Variants in GASK1A observed in about 807,000 individuals in gnomAD.
The protein encoded by GASK1A is golgi associated kinase 1A.
A neutral mutation model predicts 41.2 loss-of-function variants in GASK1A; 40 were observed. The ratio of observed to expected loss-of-function variants is 0.97; its 90% CI spans 0.75 to 1.27. The LOEUF is 1.27. GASK1A is among the 50% of genes most tolerant of loss of function. GASK1A has a pLI of 0.00. For synonymous variants in GASK1A, 316 were observed against 307.1 expected (o/e 1.03, Z -0.30); for missense variants, 678 against 745.1 (o/e 0.91, Z 1.05).
intron 1 of GASK1A, among the ~76,000 whole-genome samples, chr3:43,001,186 G>A (rs559064186): frequency 3.9e-5 from 6 of 152,084 alleles, no homozygotes; most frequent in South Asian, 2.1e-4. Flanking sequence ...TGAGCAGGGC[G>A]CAGACATTGT....
rs1371368975 is a variant in GASK1A at position 43,056,157 on chromosome 3, T to C, written c.1518-19T>C. 2.0e-5 allele frequency: 31 copies of C among 1,538,166 alleles called. No homozygotes were observed. Among genetic ancestry groups the C allele is most frequent in the Non-Finnish European group, 2.5e-5 (28 of 1,135,972 alleles). Reference sequence around the variant, plus strand: ...TTGCTTTTTCTTTCTGTTACGGGGCTCTGGGGCCTTTGCTCCAGGTTTCCT... The same window carrying C: ...TTGCTTTTTCTTTCTGTTACGGGGCCCTGGGGCCTTTGCTCCAGGTTTCCT... On this transcript the variant is annotated intron_variant, in intron 4 of 4. Transcript: ENST00000430121.
chr3:43,000,480 A>C (rs891046194), intron 1 of GASK1A, among the ~76,000 whole-genome samples: 1 of 152,232 alleles, frequency 6.6e-6, no homozygotes, highest in African/African-American at 2.4e-5. Context: ...CTTGATGCTA[A>C]AGAGAGAGAT....
chr3:43,039,802 C>T (rs1466458703), intron 2 of GASK1A, among the ~76,000 whole-genome samples: 1 of 152,062 alleles, frequency 6.6e-6, no homozygotes, highest in African/African-American at 2.4e-5. Flanking sequence ...GTTTTCTGTT[C>T]CTGAGTTAGT....
At chr3:43,037,932 A>G (rs2089613413) in intron 2 of GASK1A, among the ~76,000 whole-genome samples, 1 of 152,214 alleles carries the variant, frequency 6.6e-6, no homozygotes, top group South Asian at 2.1e-4. Flanking sequence ...ATAAGGAACA[A>G]CCACAGTTTT....
chr3:43,005,607 G>A (rs182685829), intron 1 of GASK1A, among the ~76,000 whole-genome samples: 1 of 152,270 alleles, frequency 6.6e-6, no homozygotes, highest in Non-Finnish European at 1.5e-5. Flanking sequence ...AAGTGCAAGA[G>A]TAGTGATCCT....
intron 1 of GASK1A, among the ~76,000 whole-genome samples, chr3:42,997,442 G>C (rs1365431994): frequency 6.6e-6 from 1 of 151,998 alleles, no homozygotes; most frequent in Non-Finnish European, 1.5e-5. Context: ...GAGAGAGGGG[G>C]GGGGGATCTG....
chr3:42,992,735 GC>G (rs1421439642), intron 1 of GASK1A, among the ~76,000 whole-genome samples: 1 of 152,192 alleles, frequency 6.6e-6, no homozygotes, highest in Non-Finnish European at 1.5e-5. Flanking sequence ...TGGGGTCCAA[GC>G]ATGTGATAAA....
At chr3:43,048,998 C>T (rs939403411) in intron 2 of GASK1A, among the ~76,000 whole-genome samples, 1 of 152,064 alleles carries the variant, frequency 6.6e-6, no homozygotes, top group Non-Finnish European at 1.5e-5. Flanking sequence ...TTAAGGGCTT[C>T]AAGGAATGGA....
chr3:43,049,753 C>T (rs576434936), intron 2 of GASK1A, among the ~76,000 whole-genome samples: 1 of 152,290 alleles, frequency 6.6e-6, no homozygotes, highest in East Asian at 1.9e-4. Flanking sequence ...AATGCTGTCT[C>T]ATTTCTTAAC....
At chr3:43,014,947 T>G (rs2089482443) in intron 1 of GASK1A, among the ~76,000 whole-genome samples, 1 of 149,852 alleles carries the variant, frequency 6.7e-6, no homozygotes. Context: ...GGAAGGGGCT[T>G]GTGTGGTCAC....
rs1289994852 is a variant in GASK1A, at chr3:42,985,213, C to T, written c.3+5568C>T. 2.6e-5 allele frequency among the ~76,000 whole-genome samples: 4 copies of T among 152,120 alleles called. No homozygotes were observed. In the South Asian group the frequency reaches 6.2e-4, roughly 24 times the overall value. ...TTTGTCTTAGAAAAATGGGGGTACT[C>T]GGTTATAGGGGCCTCACTCTGATTT... On this transcript the variant is annotated intron_variant, in intron 1 of 4. Transcript: ENST00000430121.
chr3:43,000,265 C>G (rs1416448017), intron 1 of GASK1A, among the ~76,000 whole-genome samples: 1 of 143,242 alleles, frequency 7.0e-6, no homozygotes, highest in Non-Finnish European at 1.6e-5. Flanking sequence ...TCCCATCTAC[C>G]AAAACAAGAA....
chr3:43,042,714 A>G (rs2089643854), intron 2 of GASK1A, among the ~76,000 whole-genome samples: 1 of 152,076 alleles, frequency 6.6e-6, no homozygotes. Context: ...GTTGATGTTT[A>G]AAATTTAGGA....
chr3:43,014,388 A>G (rs1482949727), intron 1 of GASK1A, among the ~76,000 whole-genome samples: 1 of 151,996 alleles, frequency 6.6e-6, no homozygotes, highest in Non-Finnish European at 1.5e-5. Context: ...AAGTCACAGG[A>G]AAGGCCAGTG....
chr3:42,987,521 C>T (rs1352431006), intron 1 of GASK1A, among the ~76,000 whole-genome samples: 2 of 152,110 alleles, frequency 1.3e-5, no homozygotes, highest in Non-Finnish European at 2.9e-5. Context: ...GAAGAGAAAC[C>T]TCATCATATC....
intron 1 of GASK1A, among the ~76,000 whole-genome samples, chr3:43,010,686 CA>C (rs972804476): frequency 6.6e-6 from 1 of 152,258 alleles, no homozygotes; most frequent in African/African-American, 2.4e-5. Context: ...TTCCTCCCCA[CA>C]CCCATCCCAA....
At chr3:43,008,286 A>C (rs1338267406) in intron 1 of GASK1A, among the ~76,000 whole-genome samples, 1 of 152,208 alleles carries the variant, frequency 6.6e-6, no homozygotes, top group African/African-American at 2.4e-5. Flanking sequence ...GAGATGCTCA[A>C]CAATGCTGGC....
At chr3:42,996,856 G>C (rs1032801776) in intron 1 of GASK1A, among the ~76,000 whole-genome samples, 3 of 152,128 alleles carry the variant, frequency 2.0e-5, no homozygotes, top group Non-Finnish European at 2.9e-5. Flanking sequence ...CCCGTGGGCT[G>C]TAGGTCATCT....
At position 42,994,329 on chromosome 3, in the gene GASK1A, C is replaced by T. The variant is rs181593497; in HGVS notation, c.3+14684C>T. 1.3e-3 allele frequency among the ~76,000 whole-genome samples: 191 copies of T among 152,140 alleles called. 1 individual carries two copies. The highest frequency in any genetic ancestry group is 2.2e-3 in the Non-Finnish European group (149 of 67,992). The stretch of plus-strand genomic sequence containing the variant: ...GGGAGGCCTGGGCAGAGGACAACAC[C>T]AGGGGAGGCATGGAGGCAGGAGCCG... On this transcript the variant is annotated intron_variant, in intron 1 of 4. Coordinates refer to ENST00000430121, the MANE Select transcript of GASK1A (RefSeq NM_001129908.3).
Sources: gnomAD v4.1 joint callset for allele counts (sites outside exome capture counted in the v4.1 genomes callset) on GRCh38, gnomAD v4.1.1 for gene constraint, MANE v1.5 for transcripts, NCBI Gene and HGNC (gene_info 2026-07-23, HGNC 2026-07-21) for gene names.